The following CRADD variants were observed in gnomAD, a reference collection of about 807,000 sequenced individuals.
CRADD encodes the protein CARD and death domain containing adaptor protein.
In CRADD, 9 loss-of-function variants were observed where a neutral mutation model predicts 15.5. The ratio of observed to expected loss-of-function variants is 0.58; its 90% CI spans 0.35 to 1.01. The LOEUF is 1.01. CRADD is among the 50% of genes least tolerant of loss of function. The probability of loss-of-function intolerance (pLI) is 0.02; values close to 1 mark genes in which losing one functional copy is unlikely to be tolerated. For synonymous variants in CRADD, 118 were observed against 107.6 expected (o/e 1.10, Z -0.60); for missense variants, 227 against 250.3 (o/e 0.91, Z 0.63).
intron 2 of CRADD, among the ~76,000 whole-genome samples, chr12:93,739,811 A>G (rs1273755770): frequency 6.6e-6 from 1 of 152,182 alleles, no homozygotes; most frequent in Non-Finnish European, 1.5e-5. Context: ...AAACATCAAT[A>G]TTTTATAGGG....
At chr12:93,863,782 G>A (rs1388241554) in intron 2 of CRADD, among the ~76,000 whole-genome samples, 2 of 152,104 alleles carry the variant, frequency 1.3e-5, no homozygotes, top group Admixed American at 6.5e-5. Flanking sequence ...ACTGCTGTAT[G>A]CTTCACATGA....
At chr12:93,697,398 C>A (rs1029741868) in intron 2 of CRADD, among the ~76,000 whole-genome samples, 4 of 152,224 alleles carry the variant, frequency 2.6e-5, no homozygotes, top group Non-Finnish European at 5.9e-5. Flanking sequence ...CCTCACCAGA[C>A]ACCAAATGCT....
intron 2 of CRADD, among the ~76,000 whole-genome samples, chr12:93,857,628 G>A (rs755272848): frequency 3.9e-5 from 6 of 152,218 alleles, no homozygotes; most frequent in Non-Finnish European, 8.8e-5. Context: ...AAGACAAAGG[G>A]TTTATTTGGC....
At chr12:93,873,981 C>G (rs1008515556) in intron 2 of CRADD, among the ~76,000 whole-genome samples, 1 of 151,944 alleles carries the variant, frequency 6.6e-6, no homozygotes, top group Non-Finnish European at 1.5e-5. Context: ...GAAGTAGTCC[C>G]TCCTCCTCTA....
At chr12:93,769,991 T>A (rs1957066528) in intron 2 of CRADD, among the ~76,000 whole-genome samples, 1 of 152,222 alleles carries the variant, frequency 6.6e-6, no homozygotes, top group South Asian at 2.1e-4. Context: ...CCAATTTTAA[T>A]GTTGTCCAAC....
rs181117768 is a variant in CRADD at position 93,816,277 on chromosome 12, T to G, written c.299-33693T>G. Among the ~76,000 whole-genome samples the G allele has an allele frequency of 5.2e-3, 790 of 152,226 alleles. 2 individuals carry two copies. Among genetic ancestry groups the G allele is most frequent in the Middle Eastern group, 0.01 (3 of 294 alleles). ...TGTCGCCCAGGCTGGAGTGCAGTGGTGCGATCTCAGCTCACTGCAGCCTCC... is the reference window on the plus strand; with the variant it reads ...TGTCGCCCAGGCTGGAGTGCAGTGGGGCGATCTCAGCTCACTGCAGCCTCC... On this transcript the variant is annotated intron_variant, in intron 2 of 2. Coordinates refer to ENST00000332896, the MANE Select transcript of CRADD (RefSeq NM_003805.5).
chr12:93,872,284 A>G (rs1958427291), intron 2 of CRADD, among the ~76,000 whole-genome samples: 1 of 151,746 alleles, frequency 6.6e-6, no homozygotes, highest in Admixed American at 6.6e-5. Context: ...TAGAGTTGGA[A>G]TCCTTATATA....
At chr12:93,726,819 A>C (rs1956375713) in intron 2 of CRADD, among the ~76,000 whole-genome samples, 1 of 152,042 alleles carries the variant, frequency 6.6e-6, no homozygotes, top group Non-Finnish European at 1.5e-5. Context: ...GTACTACAGC[A>C]CTCTAACAGA....
intron 2 of CRADD, among the ~76,000 whole-genome samples, chr12:93,885,175 C>G (rs1958527535): frequency 1.3e-5 from 2 of 152,198 alleles, no homozygotes; most frequent in Admixed American, 1.3e-4. Context: ...GAAACCATGA[C>G]TGAAAATCCC....
At chr12:93,869,568 A>G (rs1212911756) in intron 2 of CRADD, among the ~76,000 whole-genome samples, 1 of 152,184 alleles carries the variant, frequency 6.6e-6, no homozygotes, top group Non-Finnish European at 1.5e-5. Context: ...GAAAGAGATG[A>G]AAATGCTGAA....
At chr12:93,756,532 G>C (rs767842286) in intron 2 of CRADD, among the ~76,000 whole-genome samples, 4 of 152,228 alleles carry the variant, frequency 2.6e-5, no homozygotes, top group Non-Finnish European at 5.9e-5. Context: ...CTAAGGTCTA[G>C]AGCGGAGCTG....
chr12:93,857,169 C>T (rs1208024970), intron 2 of CRADD, among the ~76,000 whole-genome samples: 1 of 151,164 alleles, frequency 6.6e-6, no homozygotes, highest in Non-Finnish European at 1.5e-5. Flanking sequence ...CTTGGCAATA[C>T]TCATAATGTT....
intron 2 of CRADD, among the ~76,000 whole-genome samples, chr12:93,739,276 C>G (rs1299540884): frequency 6.6e-6 from 1 of 152,004 alleles, no homozygotes; most frequent in Non-Finnish European, 1.5e-5. Context: ...TTTTAAAAAT[C>G]TGCACCCTGC....
At chr12:93,708,116 A>T (rs1955990410) in intron 2 of CRADD, 1 of 152,246 alleles carries the variant, frequency 6.6e-6, no homozygotes, top group Admixed American at 6.5e-5. Context: ...TTCTGGAAAG[A>T]TTTATTGAGC....
At chr12:93,836,269 G>C (rs2137034752) in intron 2 of CRADD, 1 of 152,312 alleles carries the variant, frequency 6.6e-6, no homozygotes, top group Middle Eastern at 3.4e-3. Flanking sequence ...AGTTGAGTTT[G>C]GGTGAATAAT....
At chr12:93,765,848 GT>G (rs60407621) in intron 2 of CRADD, among the ~76,000 whole-genome samples, 9 of 149,384 alleles carry the variant, frequency 6.0e-5, no homozygotes, top group African/African-American at 9.8e-5. Flanking sequence ...GTTTTATTAA[GT>G]TTTTTTTTTT....
intron 2 of CRADD, among the ~76,000 whole-genome samples, chr12:93,810,551 C>CAAAAAAAAAAAAAAAAAAAAAAAAAAAA: frequency 2.6e-5 from 1 of 39,068 alleles, no homozygotes; most frequent in Non-Finnish European, 4.6e-5. Context: ...AAATCAGTCT[C>CAAAAAAAAAAAAAAAAAAAAAAAAAAAA]AAAAAAAAAA....
At chr12:93,881,752 T>G (rs1170453484) in intron 2 of CRADD, among the ~76,000 whole-genome samples, 1 of 152,270 alleles carries the variant, frequency 6.6e-6, no homozygotes. Context: ...TAGAACTGTG[T>G]GCTCTGATAA....
chr12:93,711,509 C>T (rs1395549860), intron 2 of CRADD, among the ~76,000 whole-genome samples: 1 of 152,130 alleles, frequency 6.6e-6, no homozygotes, highest in Non-Finnish European at 1.5e-5. Context: ...CATAAATTAG[C>T]TCCCACTCTT....
Sources: allele counts gnomAD v4.1 joint callset (sites outside exome capture counted in the v4.1 genomes callset), GRCh38; gene constraint gnomAD v4.1.1; transcripts MANE v1.5; gene names NCBI Gene and HGNC (gene_info 2026-07-23, HGNC 2026-07-21).